Variants in FHIT observed in about 807,000 individuals in gnomAD.
FHIT encodes bis(5'-adenosyl)-triphosphatase.
Under a neutral mutation model 17.9 loss-of-function variants are expected in FHIT, and 19 were observed. That is an observed-to-expected ratio of 1.06 (90% CI 0.74 to 1.56). FHIT has a LOEUF of 1.56. Among genes scored for constraint, FHIT ranks in the 40% most tolerant of loss-of-function variants. The probability of loss-of-function intolerance (pLI) is 0.00; values close to 1 mark genes in which losing one functional copy is unlikely to be tolerated. For synonymous variants in FHIT, 81 were observed against 69.7 expected (o/e 1.16, Z -0.81); for missense variants, 248 against 189.2 (o/e 1.31, Z -1.82).
At chr3:61,006,998 T>A (rs1013904794) in intron 3 of FHIT, among the ~76,000 whole-genome samples, 1 of 152,250 alleles carries the variant, frequency 6.6e-6, no homozygotes, top group Non-Finnish European at 1.5e-5. Context: ...TTAATGTGCA[T>A]AACATTTTAA....
At chr3:60,494,216 C>G (rs1472251837) in intron 5 of FHIT, among the ~76,000 whole-genome samples, 1 of 152,202 alleles carries the variant, frequency 6.6e-6, no homozygotes, top group South Asian at 2.1e-4. Context: ...ACATTCCCCA[C>G]TACCCACTCC....
intron 5 of FHIT, among the ~76,000 whole-genome samples, chr3:60,043,782 G>A (rs1701541280): frequency 6.6e-6 from 1 of 152,120 alleles, no homozygotes; most frequent in African/African-American, 2.4e-5. Context: ...ATCTCCATCA[G>A]TGACATAACA....
At chr3:59,778,684 TG>T (rs1423511764) in intron 8 of FHIT, among the ~76,000 whole-genome samples, 1 of 152,214 alleles carries the variant, frequency 6.6e-6, no homozygotes, top group Non-Finnish European at 1.5e-5. Flanking sequence ...GGACAACCCC[TG>T]GGACAGAGAC....
At chr3:61,155,738 C>CAGGT (rs1171716464) in intron 2 of FHIT, among the ~76,000 whole-genome samples, 1 of 152,100 alleles carries the variant, frequency 6.6e-6, no homozygotes, top group African/African-American at 2.4e-5. Context: ...AAAAAGTTTG[C>CAGGT]AGGTAGGTAG....
At chr3:60,924,607 A>G (rs573096448) in intron 3 of FHIT, among the ~76,000 whole-genome samples, 5 of 152,198 alleles carry the variant, frequency 3.3e-5, no homozygotes, top group Non-Finnish European at 7.3e-5. Context: ...AAAGATGGGG[A>G]AAAAACAGAG....
At chr3:60,792,217 T>C in intron 4 of FHIT, among the ~76,000 whole-genome samples, 1 of 152,228 alleles carries the variant, frequency 6.6e-6, no homozygotes, top group East Asian at 1.9e-4. Flanking sequence ...TAGCCAGCAC[T>C]ACACCAAAGA....
intron 5 of FHIT, among the ~76,000 whole-genome samples, chr3:60,509,189 A>G (rs1234584570): frequency 6.6e-6 from 1 of 152,172 alleles, no homozygotes; most frequent in East Asian, 1.9e-4. Context: ...TGGCGATTCC[A>G]AATGATACCA....
chr3:60,672,782 CTTCTT>C (rs142065499), intron 4 of FHIT, among the ~76,000 whole-genome samples: 10,060 of 151,214 alleles, frequency 0.067, 451 homozygotes, highest in African/African-American at 0.13. Context: ...TTCCTTCTTC[CTTCTT>C]TCTTGCCTTC....
intron 5 of FHIT, among the ~76,000 whole-genome samples, chr3:60,413,469 TAAG>T (rs1449860545): frequency 6.6e-6 from 1 of 152,168 alleles, no homozygotes; most frequent in African/African-American, 2.4e-5. Context: ...AGGTCTTACT[TAAG>T]AAGTACCATG....
intron 5 of FHIT, among the ~76,000 whole-genome samples, chr3:60,164,525 A>G (rs1214067684): frequency 6.6e-6 from 1 of 152,176 alleles, no homozygotes; most frequent in Non-Finnish European, 1.5e-5. Context: ...CACAGAAGAC[A>G]TTACAGAGGC....
At chr3:59,957,365 C>T (rs1028498800) in intron 7 of FHIT, among the ~76,000 whole-genome samples, 17 of 152,228 alleles carry the variant, frequency 1.1e-4, no homozygotes, top group African/African-American at 3.9e-4. Context: ...CAAGAGGGGC[C>T]TCAGGGGAAA....
At chr3:60,186,472 C>T (rs551930748) in intron 5 of FHIT, among the ~76,000 whole-genome samples, 8 of 152,064 alleles carry the variant, frequency 5.3e-5, no homozygotes, top group African/African-American at 1.4e-4. Flanking sequence ...TCAGCATTTT[C>T]GAAAATCCAA....
At chr3:60,869,868 C>T (rs1463920585) in intron 3 of FHIT, among the ~76,000 whole-genome samples, 4 of 152,100 alleles carry the variant, frequency 2.6e-5, no homozygotes, top group African/African-American at 9.7e-5. Flanking sequence ...CTGACACCAA[C>T]GAAGAGGAAT....
rs542125331 is a variant in FHIT, at chr3:59,879,416, C to T, written c.348+42930G>A. 5.9e-5 allele frequency among the ~76,000 whole-genome samples: 9 copies of T among 152,222 alleles called. No individual in the cohort carries two copies. In the South Asian group the frequency reaches 8.3e-4, roughly 14 times the overall value. The stretch of plus-strand genomic sequence containing the variant: ...AAGGTAATAAATCACTCAGAAATAA[C>T]GAGCTATATAGGATCTCTGGGGTAT... On this transcript the variant is annotated intron_variant, in intron 8 of 9. Coordinates refer to ENST00000492590, the MANE Select transcript of FHIT (RefSeq NM_002012.4).
intron 2 of FHIT, among the ~76,000 whole-genome samples, chr3:61,052,675 A>G (rs2034070647): frequency 6.6e-6 from 1 of 152,132 alleles, no homozygotes; most frequent in South Asian, 2.1e-4. Flanking sequence ...CCTTACTCTC[A>G]ATTTATATGC....
chr3:59,935,431 G>T (rs657207), intron 7 of FHIT, among the ~76,000 whole-genome samples: 1 of 152,056 alleles, frequency 6.6e-6, no homozygotes. Flanking sequence ...GTACTCTTCA[G>T]ACTCTTTCAG....
intron 3 of FHIT, among the ~76,000 whole-genome samples, chr3:60,839,267 C>T (rs1553744452): frequency 2.0e-5 from 3 of 152,140 alleles, no homozygotes; most frequent in South Asian, 2.1e-4. Flanking sequence ...TAGTCTAATA[C>T]GTATCAAAAT....
At chr3:61,054,078 G>A (rs2034127363) in intron 2 of FHIT, among the ~76,000 whole-genome samples, 2 of 152,192 alleles carry the variant, frequency 1.3e-5, no homozygotes, top group Admixed American at 1.3e-4. Flanking sequence ...CACAGCCTGT[G>A]TGAATAAACA....
intron 7 of FHIT, among the ~76,000 whole-genome samples, chr3:59,944,761 A>C (rs748784882): frequency 4.6e-5 from 7 of 152,094 alleles, no homozygotes; most frequent in Admixed American, 1.3e-4. Flanking sequence ...CCCACTTATA[A>C]GTGGGAATAT....
Sources: allele counts gnomAD v4.1 joint callset (sites outside exome capture counted in the v4.1 genomes callset), GRCh38; gene constraint gnomAD v4.1.1; transcripts MANE v1.5; gene names NCBI Gene and HGNC (gene_info 2026-07-23, HGNC 2026-07-21).